The following ST6GALNAC3 variants were observed in gnomAD, a reference collection of about 807,000 sequenced individuals.
ST6GALNAC3 encodes alpha-N-acetylgalactosaminide alpha-2,6-sialyltransferase 3.
In ST6GALNAC3, 25 loss-of-function variants were observed where a neutral mutation model predicts 32.7. That is an observed-to-expected ratio of 0.76 (90% CI 0.56 to 1.07). ST6GALNAC3 has a LOEUF of 1.07. Among genes scored for constraint, ST6GALNAC3 ranks in the 50% least tolerant of loss-of-function variants. The pLI is 0.00. For synonymous variants in ST6GALNAC3, 129 were observed against 133.1 expected (o/e 0.97, Z 0.21); for missense variants, 355 against 382.4 (o/e 0.93, Z 0.60).
intron 2 of ST6GALNAC3, among the ~76,000 whole-genome samples, chr1:76,345,168 G>C (rs561699253): frequency 6.6e-6 from 1 of 152,224 alleles, no homozygotes; most frequent in South Asian, 2.1e-4. Context: ...CTGCTTGTGG[G>C]ATCAGGCTCC....
chr1:76,183,331 C>T (rs960943177), intron 1 of ST6GALNAC3, among the ~76,000 whole-genome samples: 1 of 152,040 alleles, frequency 6.6e-6, no homozygotes, highest in Non-Finnish European at 1.5e-5. Context: ...GACTTCAAGC[C>T]TCAATGTCTT....
At chr1:76,339,964 G>T (rs1025408521) in intron 2 of ST6GALNAC3, among the ~76,000 whole-genome samples, 3 of 152,178 alleles carry the variant, frequency 2.0e-5, no homozygotes, top group African/African-American at 7.2e-5. Flanking sequence ...TTCAAAGGAA[G>T]AATATTTTTA....
chr1:76,094,446 A>T (rs1267983803), intron 1 of ST6GALNAC3, among the ~76,000 whole-genome samples: 1 of 152,188 alleles, frequency 6.6e-6, no homozygotes, highest in Admixed American at 6.5e-5. Context: ...TAATATCCTT[A>T]TTCTCCAACA....
At chr1:76,470,146 A>G (rs2101623686) in intron 3 of ST6GALNAC3, among the ~76,000 whole-genome samples, 1 of 152,230 alleles carries the variant, frequency 6.6e-6, no homozygotes, top group African/African-American at 2.4e-5. Context: ...CAATAATGAT[A>G]TAATTTTTTT....
chr1:76,269,394 G>A (rs1293437470), intron 1 of ST6GALNAC3, among the ~76,000 whole-genome samples: 8 of 152,212 alleles, frequency 5.3e-5, no homozygotes. Flanking sequence ...GCTTATCTCT[G>A]CACAGCTGCA....
intron 3 of ST6GALNAC3, among the ~76,000 whole-genome samples, chr1:76,525,017 A>G (rs962864616): frequency 6.6e-6 from 1 of 152,146 alleles, no homozygotes; most frequent in Admixed American, 6.6e-5. Flanking sequence ...ATACTTTTGT[A>G]AGATTATATT....
chr1:76,573,064 T>C (rs1314993153), intron 3 of ST6GALNAC3, among the ~76,000 whole-genome samples: 1 of 152,022 alleles, frequency 6.6e-6, no homozygotes, highest in East Asian at 1.9e-4. Context: ...TGGAAGTGAG[T>C]TGCCAGGGGA....
intron 1 of ST6GALNAC3, among the ~76,000 whole-genome samples, chr1:76,185,057 A>G (rs765287154): frequency 6.6e-6 from 1 of 152,138 alleles, no homozygotes; most frequent in Non-Finnish European, 1.5e-5. Flanking sequence ...CTGTGAATCC[A>G]TATTGCTTTC....
At chr1:76,407,884 C>A (rs1049910920) in intron 2 of ST6GALNAC3, among the ~76,000 whole-genome samples, 5 of 151,838 alleles carry the variant, frequency 3.3e-5, no homozygotes, top group Non-Finnish European at 5.9e-5. Flanking sequence ...TCAAGCAAAG[C>A]CCCCAAATCA....
At chr1:76,598,685 G>T (rs1021965809) in intron 3 of ST6GALNAC3, among the ~76,000 whole-genome samples, 2 of 151,632 alleles carry the variant, frequency 1.3e-5, no homozygotes, top group Non-Finnish European at 2.9e-5. Context: ...GATGTGCCTT[G>T]TAGACAAGCA....
At chr1:76,280,688 C>T (rs1217489789) in intron 1 of ST6GALNAC3, among the ~76,000 whole-genome samples, 1 of 152,190 alleles carries the variant, frequency 6.6e-6, no homozygotes, top group African/African-American at 2.4e-5. Context: ...ATGTTATGTG[C>T]ATGGTATGCT....
intron 2 of ST6GALNAC3, among the ~76,000 whole-genome samples, chr1:76,407,481 A>G (rs1193917693): frequency 6.6e-6 from 1 of 152,028 alleles, no homozygotes; most frequent in African/African-American, 2.4e-5. Context: ...TTTAGACCTT[A>G]AATAAAAGGA....
At chr1:76,465,944 A>G (rs1309814443) in intron 3 of ST6GALNAC3, among the ~76,000 whole-genome samples, 4 of 152,132 alleles carry the variant, frequency 2.6e-5, no homozygotes, top group Admixed American at 6.6e-5. Context: ...ACAGAAAATA[A>G]AACAACCAAT....
chr1:76,381,174 A>G (rs1651679840), intron 2 of ST6GALNAC3, among the ~76,000 whole-genome samples: 1 of 138,868 alleles, frequency 7.2e-6, no homozygotes, highest in Non-Finnish European at 1.6e-5. Context: ...CTGCTAAAAA[A>G]AAAAAAAAAA....
chr1:76,444,015 G>A (rs1362334836), intron 3 of ST6GALNAC3, among the ~76,000 whole-genome samples: 1 of 152,162 alleles, frequency 6.6e-6, no homozygotes, highest in African/African-American at 2.4e-5. Context: ...TCAGGTAACT[G>A]GAATTGACCT....
chr1:76,631,031 T>C lies in ST6GALNAC3; in HGVS notation c.*2225T>C. 3 of 985,602 alleles carry C rather than the reference T, an allele frequency of 3.0e-6. No homozygotes were observed. Among genetic ancestry groups the C allele is most frequent in the Non-Finnish European group, 3.6e-6 (3 of 829,838 alleles). 61.1% of individuals were successfully genotyped at this position (985,602 alleles called of 1,614,324 possible). ...TCTTATTTGTTCTAGCCCCTACTGA[T>C]GAGAAACATTTGAAAACTTGCTTGC... is the stretch of plus-strand genomic sequence containing the variant. On this transcript the variant is annotated 3_prime_UTR_variant, in exon 5 of 5. Coordinates refer to ENST00000328299, the MANE Select transcript of ST6GALNAC3 (RefSeq NM_152996.4).
Position 76,161,390 on chromosome 1 carries a change from C to T in ST6GALNAC3, c.18+86506C>T, listed in dbSNP as rs529829342. The stretch of plus-strand genomic sequence containing the variant: ...TTGTCGGAGGTACAGAACTGGTAAG[C>T]GGCAGAGAGCGGCAGCACCTAGGTT... On this transcript the variant is annotated intron_variant, in intron 1 of 4. Transcript: ENST00000328299. 8.5e-5 allele frequency among the ~76,000 whole-genome samples: 13 copies of T among 152,306 alleles called. 1 individual carries two copies. The highest frequency in any genetic ancestry group is 1.9e-4 in the East Asian group (1 of 5,176).
chr1:76,493,384 T>C (rs1363777828), intron 3 of ST6GALNAC3, among the ~76,000 whole-genome samples: 2 of 152,194 alleles, frequency 1.3e-5, no homozygotes, highest in Non-Finnish European at 2.9e-5. Flanking sequence ...GAAGTAGAAA[T>C]GTGATCCAAG....
At chr1:76,106,225 C>A (rs1038648906) in intron 1 of ST6GALNAC3, among the ~76,000 whole-genome samples, 2 of 152,030 alleles carry the variant, frequency 1.3e-5, no homozygotes, top group Admixed American at 6.6e-5. Flanking sequence ...GAAATTTTTT[C>A]TTTTAATTAG....
Sources: allele counts gnomAD v4.1 joint callset (sites outside exome capture counted in the v4.1 genomes callset), GRCh38; gene constraint gnomAD v4.1.1; transcripts MANE v1.5; gene names NCBI Gene and HGNC (gene_info 2026-07-23, HGNC 2026-07-21).